The following PRIMA1 variants were observed in gnomAD, a reference collection of about 807,000 sequenced individuals.
PRIMA1 encodes proline rich membrane anchor 1, also known as proline-rich membrane anchor 1.
Under a neutral mutation model 17.5 loss-of-function variants are expected in PRIMA1, and 7 were observed. The observed-to-expected ratio is 0.40, with a 90% CI of 0.23 to 0.75. The LOEUF (loss-of-function observed/expected upper bound fraction) is 0.75. Among genes scored for constraint, PRIMA1 ranks in the 30% least tolerant of loss-of-function variants. The probability of loss-of-function intolerance (pLI) is 0.37; values close to 1 mark genes in which losing one functional copy is unlikely to be tolerated. For synonymous variants in PRIMA1, 97 were observed against 77.9 expected (o/e 1.25, Z -1.29); for missense variants, 200 against 201.8 (o/e 0.99, Z 0.05).
chr14:93,718,879 T>A lies in PRIMA1; in HGVS notation c.*2565A>T, dbSNP rs1342729272. 1.3e-5 allele frequency: 2 copies of A among 152,396 alleles called. No individual in the cohort carries two copies. The highest frequency in any genetic ancestry group is 1.3e-4 in the Admixed American group (2 of 15,268). The allele number at this position is 152,396 out of a possible 1,614,324, so 9.4% of individuals were successfully genotyped here. On this transcript the variant is annotated 3_prime_UTR_variant, in exon 5 of 5. Coordinates refer to ENST00000393140, the MANE Select transcript of PRIMA1 (RefSeq NM_178013.4). ...TGCATTTCATTCTTGACCTCAGGGC[T>A]CGGACTAGCCTGAGGATCGGTGTGT...
chr14:93,781,314 G>A (rs191737107), intron 2 of PRIMA1, among the ~76,000 whole-genome samples: 3 of 152,344 alleles, frequency 2.0e-5, no homozygotes, highest in African/African-American at 7.2e-5. Context: ...CTAGACCGGT[G>A]CCATTGTTAG....
intron 3 of PRIMA1, among the ~76,000 whole-genome samples, chr14:93,767,611 CA>C (rs1322946250): frequency 6.6e-6 from 1 of 152,188 alleles, no homozygotes. Context: ...ACCAGAGTTC[CA>C]GGGGTGCCGG....
chr14:93,745,388 T>A (rs116627421), intron 3 of PRIMA1, among the ~76,000 whole-genome samples: 2,273 of 152,254 alleles, frequency 0.015, 62 homozygotes, highest in African/African-American at 0.052. Flanking sequence ...GAGCCCCGGG[T>A]CCCACCCTCA....
At chr14:93,786,029 A>G (rs749551124) in intron 2 of PRIMA1, among the ~76,000 whole-genome samples, 1 of 152,232 alleles carries the variant, frequency 6.6e-6, no homozygotes, top group Non-Finnish European at 1.5e-5. Context: ...TCTTCTGTTT[A>G]GATCCTACTA....
In PRIMA1 at chr14:93,745,006, C is replaced by G. The variant is rs528072181; in HGVS notation, c.230-7636G>C. Among the ~76,000 whole-genome samples, 143 of 152,176 alleles carry G rather than the reference C, an allele frequency of 9.4e-4. 1 individual carries two copies. The highest frequency in any genetic ancestry group is 3.3e-3 in the African/African-American group (135 of 41,536). ...CCTAAACGGGTCTCTTGCCCTGCAG[C>G]CTGTAGCCCGGGGCGGGGGTGGGAG... On this transcript the variant is annotated intron_variant, in intron 3 of 4. Coordinates refer to ENST00000393140, the MANE Select transcript of PRIMA1 (RefSeq NM_178013.4).
intron 2 of PRIMA1, among the ~76,000 whole-genome samples, chr14:93,782,290 A>G (rs1225310687): frequency 6.6e-6 from 1 of 151,716 alleles, no homozygotes; most frequent in Non-Finnish European, 1.5e-5. Context: ...ATAAATAAAT[A>G]AATACATACA....
intron 4 of PRIMA1, among the ~76,000 whole-genome samples, chr14:93,728,402 T>C (rs566576504): frequency 1.3e-5 from 2 of 152,208 alleles, no homozygotes; most frequent in East Asian, 3.9e-4. Flanking sequence ...GACCCTGCCA[T>C]GCAAGGAGCA....
intron 3 of PRIMA1, among the ~76,000 whole-genome samples, chr14:93,767,701 G>C (rs533041457): frequency 6.6e-6 from 1 of 152,208 alleles, no homozygotes; most frequent in East Asian, 1.9e-4. Flanking sequence ...TGCCATTATG[G>C]GGCCACACCC....
At chr14:93,759,763 C>G (rs996818439) in intron 3 of PRIMA1, among the ~76,000 whole-genome samples, 4 of 152,200 alleles carry the variant, frequency 2.6e-5, no homozygotes, top group African/African-American at 9.7e-5. Context: ...GCTCTGTCCC[C>G]GGGAGCCCCA....
intron 4 of PRIMA1, among the ~76,000 whole-genome samples, chr14:93,736,474 A>G (rs2076150854): frequency 6.6e-6 from 1 of 152,152 alleles, no homozygotes; most frequent in African/African-American, 2.4e-5. Context: ...GCCCTGCAGC[A>G]TGTGCATTTT....
At chr14:93,751,107 C>G (rs986174719) in intron 3 of PRIMA1, among the ~76,000 whole-genome samples, 2 of 152,240 alleles carry the variant, frequency 1.3e-5, no homozygotes, top group African/African-American at 4.8e-5. Flanking sequence ...CGCAGGGACT[C>G]TGCTCTGGAG....
chr14:93,733,276 G>A (rs2076127336), intron 4 of PRIMA1, among the ~76,000 whole-genome samples: 1 of 152,114 alleles, frequency 6.6e-6, no homozygotes, highest in African/African-American at 2.4e-5. Context: ...TCTGAACACC[G>A]TCTACCCAGT....
intron 3 of PRIMA1, among the ~76,000 whole-genome samples, chr14:93,740,881 T>C (rs917920598): frequency 2.0e-5 from 3 of 152,226 alleles, no homozygotes; most frequent in Non-Finnish European, 4.4e-5. Flanking sequence ...ATAAGCCTCA[T>C]AGGGAATTTG....
chr14:93,719,483 A>T lies in PRIMA1; in HGVS notation c.*1961T>A, dbSNP rs2076023504. ...CCTGAGCTTCTGGACAGCCCAAGGC[A>T]TGGGCACTTTCTCATGGTTGCAGCA... On this transcript the variant is annotated 3_prime_UTR_variant, in exon 5 of 5. Coordinates refer to ENST00000393140, the MANE Select transcript of PRIMA1 (RefSeq NM_178013.4). The T allele has an allele frequency of 6.6e-6, 1 of 152,382 alleles. No individual in the cohort carries two copies. Among genetic ancestry groups the T allele is most frequent in the Non-Finnish European group, 1.5e-5 (1 of 68,160 alleles). The allele number at this position is 152,382 out of a possible 1,614,324, so 9.4% of individuals were successfully genotyped here. A position where few individuals can be genotyped will look rare whatever the true frequency, so the allele number is the denominator to read the frequency against.
chr14:93,782,983 C>T (rs963043499), intron 2 of PRIMA1, among the ~76,000 whole-genome samples: 3 of 152,176 alleles, frequency 2.0e-5, no homozygotes, highest in African/African-American at 7.2e-5. Flanking sequence ...CCAGACTGGT[C>T]TCAAATTTCT....
At chr14:93,780,547 C>T (rs560655645) in intron 2 of PRIMA1, among the ~76,000 whole-genome samples, 4 of 152,318 alleles carry the variant, frequency 2.6e-5, no homozygotes, top group South Asian at 4.1e-4. Context: ...AAGGGTAGCC[C>T]GAGTGAGCTG....
At chr14:93,759,854 C>A (rs558005743) in intron 3 of PRIMA1, among the ~76,000 whole-genome samples, 2 of 152,316 alleles carry the variant, frequency 1.3e-5, no homozygotes, top group Non-Finnish European at 2.9e-5. Context: ...TGTTCACCAC[C>A]CTGCCCTGCT....
chr14:93,784,066 A>T (rs973513604), intron 2 of PRIMA1, among the ~76,000 whole-genome samples: 12 of 152,308 alleles, frequency 7.9e-5, no homozygotes, highest in African/African-American at 2.9e-4. Flanking sequence ...AGTGGGCAGT[A>T]CCTGCCTCTC....
At chr14:93,751,964 T>C (rs999068268) in intron 3 of PRIMA1, among the ~76,000 whole-genome samples, 4 of 152,192 alleles carry the variant, frequency 2.6e-5, no homozygotes, top group Non-Finnish European at 4.4e-5. Flanking sequence ...AAGTGCTCAA[T>C]AGCTACACGT....
Sources: allele counts gnomAD v4.1 joint callset (sites outside exome capture counted in the v4.1 genomes callset), GRCh38; gene constraint gnomAD v4.1.1; transcripts MANE v1.5; gene names NCBI Gene and HGNC (gene_info 2026-07-23, HGNC 2026-07-21).